The following TMEM232 variants were observed in gnomAD, a reference collection of about 807,000 sequenced individuals.
The protein encoded by TMEM232 is transmembrane protein 232.
In TMEM232, 80 loss-of-function variants were observed where a neutral mutation model predicts 78.8. That is an observed-to-expected ratio of 1.01 (90% confidence interval 0.85 to 1.22). The LOEUF (loss-of-function observed/expected upper bound fraction) is 1.22, where lower values mean the gene tolerates loss of function less well. TMEM232 is among the 50% of genes most tolerant of loss of function. TMEM232 has a pLI of 0.00. For missense variants in TMEM232, 881 were observed against 742.2 expected (o/e 1.19, Z -2.17); for synonymous variants, 297 against 254.3 (o/e 1.17, Z -1.60).
intron 1 of TMEM232, among the ~76,000 whole-genome samples, chr5:110,700,794 A>ATAGATAGG (rs1795350280): frequency 7.0e-6 from 1 of 143,388 alleles, no homozygotes; most frequent in African/African-American, 2.6e-5. Flanking sequence ...AGGTAGATAG[A>ATAGATAGG]TAGATAGATA....
At chr5:110,450,681 A>G (rs1178277336) in intron 12 of TMEM232, among the ~76,000 whole-genome samples, 1 of 152,036 alleles carries the variant, frequency 6.6e-6, no homozygotes, top group African/African-American at 2.4e-5. Flanking sequence ...GCCACATACA[A>G]CTGTACCAGT....
intron 12 of TMEM232, among the ~76,000 whole-genome samples, chr5:110,471,226 A>G (rs2149375264): frequency 6.6e-6 from 1 of 152,306 alleles, no homozygotes; most frequent in East Asian, 1.9e-4. Context: ...CATAAGAATG[A>G]AAAACAGTGA....
intron 2 of TMEM232, among the ~76,000 whole-genome samples, chr5:110,399,351 TTTG>T (rs767620337): frequency 6.6e-6 from 1 of 152,130 alleles, no homozygotes; most frequent in Non-Finnish European, 1.5e-5. Context: ...TCTCCTCCTA[TTTG>T]TTAACTCTCC....
In TMEM232 at chr5:110,528,820, G is replaced by A. The variant is rs762088969; in HGVS notation, c.1471C>T (p.Pro491Ser). 7.5e-6 allele frequency: 11 copies of A among 1,472,276 alleles called. No homozygotes were observed. In the South Asian group the frequency reaches 1.6e-4, roughly 21 times the overall value. The allele number at this position is 1,472,276 out of a possible 1,614,324, so 91.2% of individuals were successfully genotyped here. A position where few individuals can be genotyped will look rare whatever the true frequency, so the allele number is the denominator to read the frequency against. ...CTATATCTAGTGAAAGGATCAGTTG[G>A]GTCATTTAACTCAGCCTGTTGAAAG... Reference protein sequence around the residue: ...INIAQAELNDPTDPFTRYSTN... With the variant: ...INIAQAELNDSTDPFTRYSTN... Residue 491 changes from proline (P) to serine (S), a missense_variant, in exon 12 of 14, where the codon CCA becomes TCA. Physicochemically the swap from Pro to Ser is moderately conservative, Grantham distance 74. Coordinates refer to ENST00000455884, the MANE Select transcript of TMEM232 (RefSeq NM_001039763.4).
intron 12 of TMEM232, among the ~76,000 whole-genome samples, chr5:110,448,131 A>C (rs1352905783): frequency 6.6e-6 from 1 of 152,088 alleles, no homozygotes; most frequent in Non-Finnish European, 1.5e-5. Context: ...AAAAATGAGC[A>C]AATATTAGTT....
At chr5:110,598,920 G>C (rs1362695988) in intron 10 of TMEM232, among the ~76,000 whole-genome samples, 1 of 149,586 alleles carries the variant, frequency 6.7e-6, no homozygotes, top group African/African-American at 2.5e-5. Flanking sequence ...TAAATGACGA[G>C]TTAATGGGTG....
At chr5:110,556,075 G>A (rs572072499) in intron 11 of TMEM232, among the ~76,000 whole-genome samples, 3 of 152,196 alleles carry the variant, frequency 2.0e-5, no homozygotes, top group East Asian at 1.9e-4. Flanking sequence ...GCTTTATGGC[G>A]TAAATGATCT....
intron 1 of TMEM232, among the ~76,000 whole-genome samples, chr5:110,670,267 A>C (rs1791183197): frequency 6.6e-6 from 1 of 152,224 alleles, no homozygotes; most frequent in Admixed American, 6.5e-5. Flanking sequence ...TTAAGCTGAT[A>C]AGTAACTTCA....
intron 2 of TMEM232, among the ~76,000 whole-genome samples, chr5:110,409,732 C>G (rs1414702874): frequency 1.3e-5 from 2 of 151,686 alleles, no homozygotes; most frequent in Non-Finnish European, 2.9e-5. Flanking sequence ...TGGTCTCTAA[C>G]TTTGGATGAT....
chr5:110,665,904 A>C (rs1444715994), intron 2 of TMEM232, among the ~76,000 whole-genome samples: 4 of 151,654 alleles, frequency 2.6e-5, no homozygotes, highest in Non-Finnish European at 5.9e-5. Context: ...AAAAAAAAAA[A>C]AAAAAAAACT....
intron 12 of TMEM232, among the ~76,000 whole-genome samples, chr5:110,431,216 A>T (rs961233675): frequency 1.3e-5 from 2 of 151,612 alleles, no homozygotes; most frequent in African/African-American, 4.8e-5. Context: ...CAAGCAAAGA[A>T]GTCACCAACA....
Position 110,576,018 on chromosome 5 carries a change from G to A in TMEM232, c.1277-7393C>T, listed in dbSNP as rs534340655. Among the ~76,000 whole-genome samples, 42 of 152,116 alleles carry A rather than the reference G, an allele frequency of 2.8e-4. 1 individual carries two copies. The highest frequency in any genetic ancestry group is 1.5e-3 in the South Asian group (7 of 4,822). On this transcript the variant is annotated intron_variant, in intron 10 of 13. Coordinates refer to ENST00000455884, the MANE Select transcript of TMEM232 (RefSeq NM_001039763.4). ...GGAAAGAGGCTGAATCCAGGGGGCCGCGCAGTGATGGTCCGCAGACTTCAA... is the reference window on the plus strand; with the variant it reads ...GGAAAGAGGCTGAATCCAGGGGGCCACGCAGTGATGGTCCGCAGACTTCAA...
chr5:110,683,977 G>A (rs1378729517), intron 1 of TMEM232, among the ~76,000 whole-genome samples: 2 of 151,886 alleles, frequency 1.3e-5, no homozygotes, highest in Admixed American at 1.3e-4. Context: ...TTTGATATAT[G>A]CCAAAGAATA....
At chr5:110,601,163 A>T (rs984510077) in intron 10 of TMEM232, among the ~76,000 whole-genome samples, 1 of 152,206 alleles carries the variant, frequency 6.6e-6, no homozygotes, top group African/African-American at 2.4e-5. Flanking sequence ...TCTCAAAACA[A>T]TAAGAGCCAT....
intron 10 of TMEM232, among the ~76,000 whole-genome samples, chr5:110,602,160 G>C (rs1450871563): frequency 1.3e-5 from 2 of 152,126 alleles, no homozygotes; most frequent in Non-Finnish European, 2.9e-5. Flanking sequence ...ATGAGTTAAA[G>C]ACTTAAATGG....
intron 2 of TMEM232, among the ~76,000 whole-genome samples, chr5:110,413,309 TACACCAGTGG>T (rs1253352600): frequency 6.6e-6 from 1 of 152,200 alleles, no homozygotes; most frequent in African/African-American, 2.4e-5. Flanking sequence ...CTCCTGGACT[TACACCAGTGG>T]TTTTCCAGGG....
intron 12 of TMEM232, among the ~76,000 whole-genome samples, chr5:110,500,997 T>C (rs1306634250): frequency 6.6e-6 from 1 of 152,230 alleles, no homozygotes; most frequent in Non-Finnish European, 1.5e-5. Context: ...ATGTGGTTTG[T>C]TTGCAAAATC....
chr5:110,661,143 A>G (rs1338596085), intron 2 of TMEM232, among the ~76,000 whole-genome samples: 1 of 152,170 alleles, frequency 6.6e-6, no homozygotes, highest in East Asian at 1.9e-4. Flanking sequence ...AGTTCCACCA[A>G]TGTTGTTACA....
At chr5:110,637,981 T>G (rs1172985061) in intron 5 of TMEM232, among the ~76,000 whole-genome samples, 1 of 152,134 alleles carries the variant, frequency 6.6e-6, no homozygotes, top group Non-Finnish European at 1.5e-5. Context: ...TGTTATTTTC[T>G]TATATAGTTT....
Sources: allele counts gnomAD v4.1 joint callset (sites outside exome capture counted in the v4.1 genomes callset), GRCh38; gene constraint gnomAD v4.1.1; transcripts MANE v1.5; gene names NCBI Gene and HGNC (gene_info 2026-07-23, HGNC 2026-07-21).